Variants in UNCX observed in about 807,000 individuals in gnomAD.
UNCX encodes UNC homeobox.
UNCX carries 4 observed loss-of-function variants against 14.8 expected under a neutral mutation model. That is an observed-to-expected ratio of 0.27 (90% CI 0.13 to 0.62). The LOEUF is 0.62. Ranked by LOEUF, UNCX falls within the 20% of genes least tolerant of loss-of-function variation. UNCX has a pLI of 0.86. For synonymous variants in UNCX, 459 were observed against 395.8 expected (o/e 1.16, Z -1.90); for missense variants, 749 against 786.8 (o/e 0.95, Z 0.58).
At position 1,236,355 on chromosome 7, in the gene UNCX, G is replaced by A; in HGVS notation, c.974G>A (p.Gly325Glu). Residue 325 changes from glycine to glutamate, a missense_variant, in exon 3 of 3, where the codon GGG (glycine) becomes GAG (glutamate). Physicochemically the swap from Gly to Glu is moderately conservative, Grantham distance 98. This residue lies in a region of UNCX where 552 missense variants were observed against 507.2 expected (regional missense o/e 1.09). Transcript: ENST00000316333. The surrounding 1 kb of genome is among the most constrained non-coding windows in gnomAD (Gnocchi z 6.9). ...AVAAVERGAA[G>E]LPKASPFSVE... ...GCGGCGGTGGAGCGCGGCGCCGCGGGGCTGCCCAAGGCCAGCCCATTCAGC... is the reference window on the plus strand; with the variant it reads ...GCGGCGGTGGAGCGCGGCGCCGCGGAGCTGCCCAAGGCCAGCCCATTCAGC... The A allele has an allele frequency of 2.3e-6, 3 of 1,320,670 alleles. No individual in the cohort carries two copies. Among genetic ancestry groups the A allele is most frequent in the Admixed American group, 7.2e-5 (2 of 27,796 alleles). 81.8% of individuals were successfully genotyped at this position (1,320,670 alleles called of 1,614,324 possible).
Position 1,233,242 on chromosome 7 carries a change from G to T in UNCX, c.225G>T (p.Leu75=), listed in dbSNP as rs1343005346. The T allele has an allele frequency of 3.6e-6, 5 of 1,378,398 alleles. No homozygotes were observed. The African/African-American group carries it at 6.1e-5, about 17-fold the overall frequency. 85.4% of individuals were successfully genotyped at this position (1,378,398 alleles called of 1,614,324 possible). A position where few individuals can be genotyped will look rare whatever the true frequency, so the allele number is the denominator to read the frequency against. Residue 75 remains leucine (L), a synonymous_variant, in exon 1 of 3, where the codon CTG becomes CTT. Coordinates refer to ENST00000316333, the MANE Select transcript of UNCX (RefSeq NM_001080461.3). The surrounding 1 kb of genome is among the most constrained non-coding windows in gnomAD (Gnocchi z 5.3). Reference sequence around the variant, plus strand: ...CGGTGGTCAACCCCACGCCGCTGCTGCCAGCCGCCTGCGGGGTCGGCGGGG... The same window carrying T: ...CGGTGGTCAACCCCACGCCGCTGCTTCCAGCCGCCTGCGGGGTCGGCGGGG... The part of the protein sequence containing the change: ...AASVVNPTPL[L]PAACGVGGDG...
chr7:1,234,455 G>C (rs1215522192), intron 2 of UNCX, among the ~76,000 whole-genome samples: 1 of 152,004 alleles, frequency 6.6e-6, no homozygotes, highest in Non-Finnish European at 1.5e-5. Context: ...CTGGAGCAAA[G>C]AAATCCTCTT....
rs1778680985 is a variant in UNCX, at chr7:1,233,373, G to A, written c.274+82G>A. On this transcript the variant is annotated intron_variant, in intron 1 of 2. Transcript: ENST00000316333. This position sits in a 1 kb window ranked among gnomAD's most constrained non-coding sequence, Gnocchi z 5.3. ...TCCGGCCGAGGCGCTGGGGGGCCCG[G>A]GGCTGGCGAAGGAGAGCCGGCTCCT... The A allele has an allele frequency of 7.4e-7, 1 of 1,356,340 alleles. No homozygotes were observed. The highest frequency in any genetic ancestry group is 9.4e-7 in the Non-Finnish European group (1 of 1,060,896). The allele number at this position is 1,356,340 out of a possible 1,614,324, so 84.0% of individuals were successfully genotyped here.
chr7:1,235,936 G>A lies in UNCX; in HGVS notation c.555G>A (p.Glu185=). 1 of 1,612,704 alleles carries A rather than the reference G, an allele frequency of 6.2e-7. No individual in the cohort carries two copies. Among genetic ancestry groups the A allele is most frequent in the Non-Finnish European group, 8.5e-7 (1 of 1,179,700 alleles). Residue 185 remains glutamate, a synonymous_variant, in exon 3 of 3, where the codon GAG becomes GAA. Coordinates refer to ENST00000316333, the MANE Select transcript of UNCX (RefSeq NM_001080461.3). ...HNSHPTTCSG[E]PMDPEEIARK... ...CGCACCCGACCACGTGCAGCGGCGA[G>A]CCCATGGACCCGGAGGAGATCGCGC...
Position 1,232,946 on chromosome 7 carries a change from G to C in UNCX, c.-72G>C, listed in dbSNP as rs978953575. 2.6e-6 allele frequency: 2 copies of C among 765,706 alleles called. No individual in the cohort carries two copies. Among genetic ancestry groups the C allele is most frequent in the Non-Finnish European group, 3.2e-6 (2 of 634,724 alleles). The allele number at this position is 765,706 out of a possible 1,614,324, so 47.4% of individuals were successfully genotyped here. A position where few individuals can be genotyped will look rare whatever the true frequency, so the allele number is the denominator to read the frequency against. ...TCCGCCGCCGCCGCCCGCGCCTCCCGCCGCTGGCCCGCCCCGGCCCCGGCC... is the reference window on the plus strand; with the variant it reads ...TCCGCCGCCGCCGCCCGCGCCTCCCCCCGCTGGCCCGCCCCGGCCCCGGCC... On this transcript the variant is annotated 5_prime_UTR_variant, in exon 1 of 3. Transcript: ENST00000316333.
chr7:1,235,145 G>A (rs989573722), intron 2 of UNCX, among the ~76,000 whole-genome samples: 5 of 152,234 alleles, frequency 3.3e-5, no homozygotes, highest in African/African-American at 7.2e-5. Context: ...TGCCTTGGCC[G>A]GTGGCCCAGG....
chr7:1,233,159 G>T lies in UNCX; in HGVS notation c.142G>T (p.Ala48Ser), dbSNP rs1178883817. Reference sequence around the variant, plus strand: ...CCAGCTGCAGTCGGCCGCCGCCGCCGCCTCGGTGCCCTTCTCCATCGACGG... The same window carrying T: ...CCAGCTGCAGTCGGCCGCCGCCGCCTCCTCGGTGCCCTTCTCCATCGACGG... Reference protein sequence around the residue: ...GHQLQSAAAAASVPFSIDGLL... With the variant: ...GHQLQSAAAASSVPFSIDGLL... The change falls in exon 1 of 3, where the codon GCC becomes TCC. Residue 48 changes from alanine (A) to serine (S), a missense_variant. Around this residue, in one of 3 missense-constraint regions of UNCX, gnomAD observed 155 missense variants for 166.7 expected, o/e 0.93. Transcript: ENST00000316333. The surrounding 1 kb of genome is among the most constrained non-coding windows in gnomAD (Gnocchi z 5.3). The T allele has an allele frequency of 1.2e-5, 17 of 1,462,954 alleles. No individual in the cohort carries two copies. Among genetic ancestry groups the T allele is most frequent in the Non-Finnish European group, 1.5e-5 (17 of 1,111,306 alleles). 90.6% of individuals were successfully genotyped at this position (1,462,954 alleles called of 1,614,324 possible).
In UNCX at chr7:1,236,360, C is replaced by T. The variant is rs1343751148; in HGVS notation, c.979C>T (p.Pro327Ser). ...AAVERGAAGL[P>S]KASPFSVESL... ...GGTGGAGCGCGGCGCCGCGGGGCTG[C>T]CCAAGGCCAGCCCATTCAGCGTGGA... The change falls in exon 3 of 3, where the codon CCC becomes TCC. Residue 327 changes from proline to serine, a missense_variant. Pro to Ser is a moderately conservative substitution (Grantham distance 74). This residue lies in a region of UNCX where 552 missense variants were observed against 507.2 expected (regional missense o/e 1.09). Transcript: ENST00000316333. This position sits in a 1 kb window ranked among gnomAD's most constrained non-coding sequence, Gnocchi z 6.9. 2.2e-6 allele frequency: 3 copies of T among 1,342,112 alleles called. No homozygotes were observed. Among genetic ancestry groups the T allele is most frequent in the African/African-American group, 3.1e-5 (2 of 64,036 alleles). 83.1% of individuals were successfully genotyped at this position (1,342,112 alleles called of 1,614,324 possible).
At position 1,236,683 on chromosome 7, in the gene UNCX, C is replaced by T; in HGVS notation, c.1302C>T (p.Ala434=). The T allele has an allele frequency of 9.9e-7, 1 of 1,007,506 alleles. No homozygotes were observed. Among genetic ancestry groups the T allele is most frequent in the Non-Finnish European group, 1.2e-6 (1 of 846,852 alleles). 62.4% of individuals were successfully genotyped at this position (1,007,506 alleles called of 1,614,324 possible). The change falls in exon 3 of 3, where the codon GCC becomes GCT. Residue 434 remains alanine, a synonymous_variant. Coordinates refer to ENST00000316333, the MANE Select transcript of UNCX (RefSeq NM_001080461.3). The surrounding 1 kb of genome is among the most constrained non-coding windows in gnomAD (Gnocchi z 6.9). The part of the protein sequence containing the change: ...SFGAFSGPGG[A]PDSAFARRSP... ...GGGCCTTCTCGGGGCCCGGCGGCGC[C>T]CCGGACTCGGCCTTCGCGCGTCGCA...
In UNCX at chr7:1,236,572, G is replaced by A. The variant is rs1160349691; in HGVS notation, c.1191G>A (p.Lys397=). The A allele has an allele frequency of 1.7e-5, 23 of 1,330,840 alleles. No individual in the cohort carries two copies. The highest frequency in any genetic ancestry group is 2.0e-5 in the Non-Finnish European group (21 of 1,029,446). The allele number at this position is 1,330,840 out of a possible 1,614,324, so 82.4% of individuals were successfully genotyped here. Residue 397 remains lysine (K), a synonymous_variant, in exon 3 of 3, where the codon AAG becomes AAA. Coordinates refer to ENST00000316333, the MANE Select transcript of UNCX (RefSeq NM_001080461.3). The surrounding 1 kb of genome is among the most constrained non-coding windows in gnomAD (Gnocchi z 6.9). The part of the protein sequence containing the change: ...LGFLVPQAAL[K]GGAGLEPAPK... ...TCCTGGTGCCGCAGGCCGCGCTCAAGGGCGGCGCGGGCCTGGAGCCGGCGC... is the reference window on the plus strand; with the variant it reads ...TCCTGGTGCCGCAGGCCGCGCTCAAAGGCGGCGCGGGCCTGGAGCCGGCGC...
At chr7:1,234,799 T>A (rs1484759943) in intron 2 of UNCX, among the ~76,000 whole-genome samples, 1 of 148,148 alleles carries the variant, frequency 6.8e-6, no homozygotes, top group African/African-American at 2.5e-5. Flanking sequence ...GGTTACAGCG[T>A]TGGGGGAGGG....
rs1210785651 is a variant in UNCX, at chr7:1,236,259, C to A, written c.878C>A (p.Ala293Asp). The A allele has an allele frequency of 6.5e-6, 9 of 1,379,068 alleles. No homozygotes were observed. The Admixed American group carries it at 1.1e-4, about 16-fold the overall frequency. The allele number at this position is 1,379,068 out of a possible 1,614,324, so 85.4% of individuals were successfully genotyped here. A position where few individuals can be genotyped will look rare whatever the true frequency, so the allele number is the denominator to read the frequency against. ...TTCTACCCGAGCCAAAGAAGCGGCG[C>A]CGGCCCACAGCCGCGCCCAGGTCGC... ...PAFYPSQRSG[A>D]GPQPRPGRPA... The change falls in exon 3 of 3, where the codon GCC becomes GAC. Residue 293 changes from alanine to aspartate, a missense_variant. By Grantham distance (126) the Ala-to-Asp change is moderately radical. This residue lies in a region of UNCX where 552 missense variants were observed against 507.2 expected (regional missense o/e 1.09). Coordinates refer to ENST00000316333, the MANE Select transcript of UNCX (RefSeq NM_001080461.3). This position sits in a 1 kb window ranked among gnomAD's most constrained non-coding sequence, Gnocchi z 6.9.
In UNCX at chr7:1,233,467, G is replaced by T; in HGVS notation, c.275-53G>T. 6.7e-7 allele frequency: 1 copy of T among 1,491,710 alleles called. No individual in the cohort carries two copies. Among genetic ancestry groups the T allele is most frequent in the Non-Finnish European group, 8.9e-7 (1 of 1,123,814 alleles). 92.4% of individuals were successfully genotyped at this position (1,491,710 alleles called of 1,614,324 possible). ...GCGGGTAGCGGGAGGGAGGGGTGGG[G>T]GTCGGGCCTGGGCCGGTGGCTGAGC... On this transcript the variant is annotated intron_variant, in intron 1 of 2. Transcript: ENST00000316333. The surrounding 1 kb of genome is among the most constrained non-coding windows in gnomAD (Gnocchi z 5.3).
At chr7:1,234,082 C>T (rs1376787587) in intron 2 of UNCX, among the ~76,000 whole-genome samples, 2 of 151,822 alleles carry the variant, frequency 1.3e-5, no homozygotes, top group Non-Finnish European at 1.5e-5. Flanking sequence ...GGGGACCCCC[C>T]CCCGCCCCCG....
chr7:1,236,508 G>A lies in UNCX; in HGVS notation c.1127G>A (p.Gly376Asp). Residue 376 changes from glycine (G) to aspartate (D), a missense_variant, in exon 3 of 3, where the codon GGC (glycine) becomes GAC (aspartate). By Grantham distance (94) the Gly-to-Asp change is moderately conservative. This residue lies in a region of UNCX where 552 missense variants were observed against 507.2 expected (regional missense o/e 1.09). Coordinates refer to ENST00000316333, the MANE Select transcript of UNCX (RefSeq NM_001080461.3). The surrounding 1 kb of genome is among the most constrained non-coding windows in gnomAD (Gnocchi z 6.9). ...GCGCCGCGGACCCTGATCGGCAAGG[G>A]CCACTTCCTCCTCTACCCCATCACG... ...PCAPRTLIGK[G>D]HFLLYPITQP... 2.1e-6 allele frequency: 3 copies of A among 1,408,638 alleles called. No individual in the cohort carries two copies. The highest frequency in any genetic ancestry group is 1.3e-5 in the South Asian group (1 of 74,276). The allele number at this position is 1,408,638 out of a possible 1,614,324, so 87.3% of individuals were successfully genotyped here. A position where few individuals can be genotyped will look rare whatever the true frequency, so the allele number is the denominator to read the frequency against.
At position 1,236,840 on chromosome 7, in the gene UNCX, C is replaced by T; in HGVS notation, c.1459C>T (p.Pro487Ser). The T allele has an allele frequency of 1.0e-6, 1 of 993,244 alleles. No individual in the cohort carries two copies. The allele number at this position is 993,244 out of a possible 1,614,324, so 61.5% of individuals were successfully genotyped here. A position where few individuals can be genotyped will look rare whatever the true frequency, so the allele number is the denominator to read the frequency against. Residue 487 changes from proline (P) to serine (S), a missense_variant, in exon 3 of 3, where the codon CCG (proline) becomes TCG (serine). Physicochemically the swap from Pro to Ser is moderately conservative, Grantham distance 74. This residue lies in a region of UNCX where 552 missense variants were observed against 507.2 expected (regional missense o/e 1.09). Transcript: ENST00000316333. This position sits in a 1 kb window ranked among gnomAD's most constrained non-coding sequence, Gnocchi z 6.9. Reference protein sequence around the residue: ...ADAGTAGPAPPPPAPSPRPGP... With the variant: ...ADAGTAGPAPSPPAPSPRPGP... The stretch of plus-strand genomic sequence containing the variant: ...CGCGGGGACCGCCGGCCCCGCGCCC[C>T]CGCCGCCCGCGCCGTCGCCCAGGCC...
chr7:1,236,554 G>A lies in UNCX; in HGVS notation c.1173G>A (p.Val391=), dbSNP rs755632167. ...YPITQPLGFL[V]PQAALKGGAG... ...TCACGCAGCCGCTCGGCTTCCTGGTGCCGCAGGCCGCGCTCAAGGGCGGCG... is the reference window on the plus strand; with the variant it reads ...TCACGCAGCCGCTCGGCTTCCTGGTACCGCAGGCCGCGCTCAAGGGCGGCG... Residue 391 remains valine, a synonymous_variant, in exon 3 of 3, where the codon GTG becomes GTA. Transcript: ENST00000316333. This position sits in a 1 kb window ranked among gnomAD's most constrained non-coding sequence, Gnocchi z 6.9. 37 of 1,364,884 alleles carry A rather than the reference G, an allele frequency of 2.7e-5. No homozygotes were observed. The highest frequency in any genetic ancestry group is 3.4e-5 in the Non-Finnish European group (36 of 1,049,104). 84.5% of individuals were successfully genotyped at this position (1,364,884 alleles called of 1,614,324 possible).
chr7:1,234,050 C>G (rs1432614281), intron 2 of UNCX, among the ~76,000 whole-genome samples: 1 of 152,178 alleles, frequency 6.6e-6, no homozygotes, highest in Non-Finnish European at 1.5e-5. Flanking sequence ...CGGCTTGGCT[C>G]CGACCCGGAG....
chr7:1,236,096 G>T lies in UNCX; in HGVS notation c.715G>T (p.Gly239Cys). ...GCCCAGCTCCGACAGCGACAGCGGC[G>T]GCGGCGGCCTGTCTCCGGAGCCGCC... is the stretch of plus-strand genomic sequence containing the variant. ...SAPSSDSDSG[G>C]GGLSPEPPEP... The change falls in exon 3 of 3, where the codon GGC becomes TGC. Residue 239 changes from glycine (G) to cysteine (C), a missense_variant. Gly to Cys is a radical substitution (Grantham distance 159). Around this residue, in one of 3 missense-constraint regions of UNCX, gnomAD observed 552 missense variants for 507.2 expected, o/e 1.09. Transcript: ENST00000316333. The surrounding 1 kb of genome is among the most constrained non-coding windows in gnomAD (Gnocchi z 6.9). 6.6e-7 allele frequency: 1 copy of T among 1,523,386 alleles called. No individual in the cohort carries two copies. The highest frequency in any genetic ancestry group is 8.8e-7 in the Non-Finnish European group (1 of 1,133,900). 94.4% of individuals were successfully genotyped at this position (1,523,386 alleles called of 1,614,324 possible). A position where few individuals can be genotyped will look rare whatever the true frequency, so the allele number is the denominator to read the frequency against.
Sources: gnomAD v4.1 joint callset for allele counts (sites outside exome capture counted in the v4.1 genomes callset) on GRCh38, gnomAD v4.1.1 for gene constraint, gnomAD v4.1.1 regional missense constraint, Gnocchi (gnomAD v3.1) non-coding constraint, MANE v1.5 for transcripts, NCBI Gene and HGNC (gene_info 2026-07-23, HGNC 2026-07-21) for gene names.